Variants in GNA12 observed in about 807,000 individuals in gnomAD.
GNA12 encodes guanine nucleotide-binding protein subunit alpha-12.
Under a neutral mutation model 26.0 loss-of-function variants are expected in GNA12, and 9 were observed. The ratio of observed to expected loss-of-function variants is 0.35; its 90% confidence interval spans 0.21 to 0.60. The LOEUF (loss-of-function observed/expected upper bound fraction) is 0.60, where lower values mean the gene tolerates loss of function less well. GNA12 is among the 20% of genes least tolerant of loss of function. The pLI is 0.78. For missense variants in GNA12, 405 were observed against 525.8 expected, an observed-to-expected ratio of 0.77 and a Z score of 2.25; for synonymous variants, 264 against 219.6, an observed-to-expected ratio of 1.20 and a Z score of -1.79.
chr7:2,762,697 G>GTC (rs1791620094), intron 2 of GNA12: 1 of 1,573,974 alleles, frequency 6.4e-7, no homozygotes, highest in South Asian at 1.2e-5. Flanking sequence ...CGCTGCCCGG[G>GTC]TGGAGGAGCG....
At chr7:2,746,048 C>A (rs1453401998) in intron 2 of GNA12, among the ~76,000 whole-genome samples, 2 of 152,112 alleles carry the variant, frequency 1.3e-5, no homozygotes, top group Admixed American at 6.6e-5. Context: ...CAAAGAGACT[C>A]AGACTCCCAC....
At chr7:2,834,077 G>T (rs1332995980) in intron 1 of GNA12, among the ~76,000 whole-genome samples, 1 of 152,214 alleles carries the variant, frequency 6.6e-6, no homozygotes, top group Non-Finnish European at 1.5e-5. Flanking sequence ...ACAGATACAT[G>T]AATTTTCTAG....
At chr7:2,803,959 G>C (rs557132211) in intron 1 of GNA12, among the ~76,000 whole-genome samples, 1 of 152,306 alleles carries the variant, frequency 6.6e-6, no homozygotes, top group South Asian at 2.1e-4. Context: ...CCACCCGCCA[G>C]CCATGGCCAT....
chr7:2,796,771 G>C (rs923972331), intron 1 of GNA12, among the ~76,000 whole-genome samples: 3 of 152,168 alleles, frequency 2.0e-5, no homozygotes, highest in African/African-American at 7.2e-5. Flanking sequence ...CAGGGTCAAA[G>C]GGATGAAGAA....
intron 1 of GNA12, among the ~76,000 whole-genome samples, chr7:2,822,646 T>C (rs941978723): frequency 3.9e-5 from 6 of 152,134 alleles, no homozygotes; most frequent in Non-Finnish European, 8.8e-5. Context: ...TAGTGAGTCC[T>C]TGTTTCTACA....
chr7:2,762,723 C>A, intron 2 of GNA12: 1 of 1,560,784 alleles, frequency 6.4e-7, no homozygotes, highest in Non-Finnish European at 8.7e-7. Context: ...GGGAAGCAGG[C>A]CCCATGTCCT....
Position 2,830,877 on chromosome 7 carries a change from G to C in GNA12, c.309+12976C>G, listed in dbSNP as rs1426218844. ...GATCACTTGAGCCCAGGAGGTCGAA[G>C]CTGCAGTGAGCTGTGATTGCACCAC... On this transcript the variant is annotated intron_variant, in intron 1 of 3. Transcript: ENST00000275364. Among the ~76,000 whole-genome samples the C allele has an allele frequency of 2.0e-5, 3 of 152,162 alleles. No individual in the cohort carries two copies. In the East Asian group the frequency reaches 5.8e-4, roughly 29 times the overall value.
chr7:2,754,380 T>A (rs1791189255), intron 2 of GNA12, among the ~76,000 whole-genome samples: 1 of 152,068 alleles, frequency 6.6e-6, no homozygotes, highest in South Asian at 2.1e-4. Context: ...AGATAATGAG[T>A]CCTTTGTCGG....
At chr7:2,746,006 T>G (rs1262583357) in intron 2 of GNA12, among the ~76,000 whole-genome samples, 1 of 152,022 alleles carries the variant, frequency 6.6e-6, no homozygotes, top group African/African-American at 2.4e-5. Flanking sequence ...ACAGGAGCAC[T>G]CAGATTCATA....
intron 1 of GNA12, among the ~76,000 whole-genome samples, chr7:2,816,018 C>G (rs558840152): frequency 2.6e-5 from 4 of 152,364 alleles, no homozygotes; most frequent in African/African-American, 9.6e-5. Context: ...AACTCTGCGT[C>G]TAAGTACACA....
Position 2,762,433 on chromosome 7 carries a change from C to CA in GNA12, c.526-28933dup, listed in dbSNP as rs1432167918. The CA allele has an allele frequency of 1.4e-5, 7 of 504,100 alleles. No homozygotes were observed. The East Asian group carries it at 2.4e-4, about 17-fold the overall frequency. The allele number at this position is 504,100 out of a possible 1,614,324, so 31.2% of individuals were successfully genotyped here. On this transcript the variant is annotated intron_variant, in intron 2 of 3. Transcript: ENST00000275364. ...GCTTAGACGTTAACTTGGCCAAGGGCAAAAACGCTACTTAACTCCAAAGTC... is the reference window on the plus strand; with the variant it reads ...GCTTAGACGTTAACTTGGCCAAGGGCAAAAAACGCTACTTAACTCCAAAGTC...
chr7:2,771,192 G>A (rs1021747704), intron 2 of GNA12, among the ~76,000 whole-genome samples: 2 of 152,076 alleles, frequency 1.3e-5, no homozygotes, highest in Admixed American at 6.6e-5. Flanking sequence ...TCGGGAGGCC[G>A]GGGCAGGAGA....
chr7:2,774,582 A>AG (rs974434870), intron 2 of GNA12, among the ~76,000 whole-genome samples: 16 of 152,262 alleles, frequency 1.1e-4, no homozygotes, highest in Middle Eastern at 3.4e-3. Flanking sequence ...GCCGAGGCAA[A>AG]GGGGGGGTCC....
chr7:2,745,340 C>T lies in GNA12; in HGVS notation c.526-11839G>A, dbSNP rs182839791. On this transcript the variant is annotated intron_variant, in intron 2 of 3. Coordinates refer to ENST00000275364, the MANE Select transcript of GNA12 (RefSeq NM_007353.3). ...GATCTCTTGGCAGAAACTCTGCAAG[C>T]CAGAAGAGAGTGGGGGCCAATATTC... is the stretch of plus-strand genomic sequence containing the variant. Among the ~76,000 whole-genome samples the T allele has an allele frequency of 8.5e-5, 13 of 152,318 alleles. No homozygotes were observed. The East Asian group carries it at 1.9e-3, about 23-fold the overall frequency.
intron 2 of GNA12, among the ~76,000 whole-genome samples, chr7:2,786,525 C>T (rs1181592052): frequency 6.6e-6 from 1 of 152,172 alleles, no homozygotes; most frequent in Non-Finnish European, 1.5e-5. Flanking sequence ...GCAAAACTTA[C>T]AGAAAACTAA....
At chr7:2,814,191 A>C in intron 1 of GNA12, 1 of 658,314 alleles carries the variant, frequency 1.5e-6, no homozygotes, top group East Asian at 2.7e-5. Flanking sequence ...ACGTGAGTGA[A>C]ATTCTCCATC....
chr7:2,806,375 T>C (rs1792946687), intron 1 of GNA12, among the ~76,000 whole-genome samples: 1 of 144,420 alleles, frequency 6.9e-6, no homozygotes, highest in African/African-American at 2.6e-5. Flanking sequence ...TAATCCCAGC[T>C]ACTCGGGAGG....
intron 1 of GNA12, among the ~76,000 whole-genome samples, chr7:2,839,515 C>G (rs1410036020): frequency 4.6e-5 from 7 of 152,156 alleles, no homozygotes; most frequent in African/African-American, 1.7e-4. Context: ...TACTGAGTAG[C>G]TGGGATTACA....
At chr7:2,829,415 G>A (rs950616015) in intron 1 of GNA12, among the ~76,000 whole-genome samples, 3 of 152,218 alleles carry the variant, frequency 2.0e-5, no homozygotes, top group African/African-American at 7.2e-5. Context: ...TGGGGACGCT[G>A]ACAGTGGGTA....
Sources: allele counts gnomAD v4.1 joint callset (sites outside exome capture counted in the v4.1 genomes callset), GRCh38; gene constraint gnomAD v4.1.1; transcripts MANE v1.5; gene names NCBI Gene and HGNC (gene_info 2026-07-23, HGNC 2026-07-21).